FMN1: variants seen among roughly 807,000 people sequenced by gnomAD.
FMN1 encodes the protein formin-1.
Under a neutral mutation model 132.4 loss-of-function variants are expected in FMN1, and 110 were observed. The ratio of observed to expected loss-of-function variants is 0.83; its 90% CI spans 0.71 to 0.97. FMN1 has a LOEUF of 0.97. Ranked by LOEUF, FMN1 falls within the 50% of genes least tolerant of loss-of-function variation. The probability of loss-of-function intolerance (pLI) is 0.00; values close to 1 mark genes in which losing one functional copy is unlikely to be tolerated. For missense variants in FMN1, 1,792 were observed against 1,705.3 expected, an observed-to-expected ratio of 1.05 and a Z score of -0.90; for synonymous variants, 722 against 651.7, an observed-to-expected ratio of 1.11 and a Z score of -1.64.
At chr15:33,127,026 C>G (rs190021564) in intron 4 of FMN1, among the ~76,000 whole-genome samples, 111 of 152,238 alleles carry the variant, frequency 7.3e-4, no homozygotes, top group Non-Finnish European at 7.9e-4. Flanking sequence ...GAGAAAACTG[C>G]AAGATGCATG....
rs144303435 is a variant in FMN1 at position 32,825,841 on chromosome 15, C to CA, written c.3929-21510_3929-21509insT. Among the ~76,000 whole-genome samples, 829 of 152,278 alleles carry CA rather than the reference C, an allele frequency of 5.4e-3. 8 individuals are homozygous for CA. Among genetic ancestry groups the CA allele is most frequent in the Middle Eastern group, 0.02 (6 of 294 alleles). On this transcript the variant is annotated intron_variant, in intron 17 of 20. Transcript: ENST00000616417. ...GCCGGGAGACCGTCTCTTATCTTTG[C>CA]TCGGCACAATATCTGACACACTGTG...
At chr15:33,149,912 A>C (rs1251233083) in intron 4 of FMN1, 2 of 984,542 alleles carry the variant, frequency 2.0e-6, no homozygotes, top group African/African-American at 1.7e-5. Context: ...GGGTTTACAC[A>C]TGTAAATAAA....
At chr15:32,821,653 T>A (rs1040878039) in intron 17 of FMN1, among the ~76,000 whole-genome samples, 2 of 152,006 alleles carry the variant, frequency 1.3e-5, no homozygotes, top group African/African-American at 4.8e-5. Context: ...GGTTTCACCA[T>A]CTTGGCCAGG....
At chr15:33,038,514 A>G (rs912373134) in intron 6 of FMN1, among the ~76,000 whole-genome samples, 1 of 152,242 alleles carries the variant, frequency 6.6e-6, no homozygotes, top group Non-Finnish European at 1.5e-5. Flanking sequence ...CAAATAGTAA[A>G]TAAGTTGTTA....
intron 6 of FMN1, among the ~76,000 whole-genome samples, chr15:33,034,643 C>G (rs771860138): frequency 3.5e-5 from 5 of 143,782 alleles, no homozygotes; most frequent in Non-Finnish European, 7.6e-5. Context: ...TCAGGAAATC[C>G]TGATGGTTCT....
chr15:32,933,583 C>T (rs1423557584), intron 9 of FMN1, among the ~76,000 whole-genome samples: 2 of 147,146 alleles, frequency 1.4e-5, no homozygotes, highest in Admixed American at 6.6e-5. Flanking sequence ...TCTCCCATTG[C>T]TGTGTTGCTG....
intron 5 of FMN1, among the ~76,000 whole-genome samples, chr15:33,073,092 G>A (rs540485443): frequency 7.9e-5 from 12 of 152,160 alleles, no homozygotes; most frequent in African/African-American, 2.2e-4. Context: ...ATCGTTTTGC[G>A]AAAACTGGAC....
At chr15:32,880,814 C>A (rs72717702) in intron 16 of FMN1, among the ~76,000 whole-genome samples, 1 of 152,186 alleles carries the variant, frequency 6.6e-6, no homozygotes, top group Non-Finnish European at 1.5e-5. Context: ...TGTGTGTAAT[C>A]CATCCCCACA....
intron 9 of FMN1, among the ~76,000 whole-genome samples, chr15:32,942,789 G>A (rs940787940): frequency 6.6e-6 from 1 of 152,172 alleles, no homozygotes; most frequent in Non-Finnish European, 1.5e-5. Flanking sequence ...TAAGCAGAGA[G>A]TTTTTTCAAA....
At position 32,774,029 on chromosome 15, in the gene FMN1, A is replaced by G. The variant is rs2056333539; in HGVS notation, c.*281T>C. The G allele has an allele frequency of 2.3e-6, 1 of 430,834 alleles. No homozygotes were observed. Among genetic ancestry groups the G allele is most frequent in the African/African-American group, 2.1e-5 (1 of 47,682 alleles). The allele number at this position is 430,834 out of a possible 1,614,324, so 26.7% of individuals were successfully genotyped here. A position where few individuals can be genotyped will look rare whatever the true frequency, so the allele number is the denominator to read the frequency against. ...AAAAAAATTTTGGAAACATTTTGGTATTTCTTCTGCTCTTAGAGTGGACTT... is the reference window on the plus strand; with the variant it reads ...AAAAAAATTTTGGAAACATTTTGGTGTTTCTTCTGCTCTTAGAGTGGACTT... On this transcript the variant is annotated 3_prime_UTR_variant, in exon 21 of 21. Transcript: ENST00000616417.
intron 9 of FMN1, among the ~76,000 whole-genome samples, chr15:32,933,812 G>GT (rs1567420048): frequency 1.3e-5 from 2 of 151,848 alleles, no homozygotes. Context: ...TCAGTTGTTG[G>GT]TTTTTTTAAA....
chr15:33,155,802 C>A (rs1247400033), intron 3 of FMN1, among the ~76,000 whole-genome samples: 5 of 152,012 alleles, frequency 3.3e-5, no homozygotes, highest in African/African-American at 1.2e-4. Context: ...ATGATGTCAC[C>A]ACAGAAACGG....
In FMN1 at chr15:32,833,797, G is replaced by A. The variant is rs138327979; in HGVS notation, c.3928+23218C>T. ...TGAACTCTTAGCAAATGATCTAAGG[G>A]CTTAAACACATTAAAGGCCACAATT... On this transcript the variant is annotated intron_variant, in intron 17 of 20. Transcript: ENST00000616417. Among the ~76,000 whole-genome samples the A allele has an allele frequency of 2.9e-3, 438 of 152,240 alleles. 5 individuals are homozygous for A. Among genetic ancestry groups the A allele is most frequent in the African/African-American group, 9.8e-3 (408 of 41,530 alleles).
intron 7 of FMN1, among the ~76,000 whole-genome samples, chr15:32,975,706 C>G (rs1457964762): frequency 6.6e-6 from 1 of 151,940 alleles, no homozygotes; most frequent in African/African-American, 2.4e-5. Context: ...AAATACTTAA[C>G]GTAGATAAGA....
chr15:32,946,398 GTGTAACACA>G (rs2061512462), intron 9 of FMN1, among the ~76,000 whole-genome samples: 1 of 152,142 alleles, frequency 6.6e-6, no homozygotes, highest in African/African-American at 2.4e-5. Flanking sequence ...ATCAACAAGG[GTGTAACACA>G]CATGGTAGAT....
At chr15:32,882,036 C>T (rs529608765) in intron 16 of FMN1, among the ~76,000 whole-genome samples, 1 of 152,212 alleles carries the variant, frequency 6.6e-6, no homozygotes, top group African/African-American at 2.4e-5. Context: ...GTCAGAGAAA[C>T]TGAAAAATAT....
At chr15:32,846,750 G>A (rs895103042) in intron 17 of FMN1, among the ~76,000 whole-genome samples, 1 of 152,174 alleles carries the variant, frequency 6.6e-6, no homozygotes, top group Non-Finnish European at 1.5e-5. Flanking sequence ...CTATAGAGAT[G>A]CATGCACACG....
At chr15:32,863,188 A>G (rs867217920) in intron 16 of FMN1, among the ~76,000 whole-genome samples, 1 of 152,226 alleles carries the variant, frequency 6.6e-6, no homozygotes, top group Non-Finnish European at 1.5e-5. Flanking sequence ...TCACGCCTGT[A>G]ATCCCAGCAC....
In FMN1 at chr15:33,163,749, C is replaced by A. The variant is rs372102203; in HGVS notation, c.-131-8704G>T. Among the ~76,000 whole-genome samples, 11 of 152,194 alleles carry A rather than the reference C, an allele frequency of 7.2e-5. No individual in the cohort carries two copies. In the East Asian group the frequency reaches 1.2e-3, roughly 16 times the overall value. ...TCTCCTGCCTCAGCCTCCCAAGTAGCTGGGATTACAGGCAGCCGCCATCAT... is the reference window on the plus strand; with the variant it reads ...TCTCCTGCCTCAGCCTCCCAAGTAGATGGGATTACAGGCAGCCGCCATCAT... On this transcript the variant is annotated intron_variant, in intron 3 of 20. Transcript: ENST00000616417.
Sources: allele counts gnomAD v4.1 joint callset (sites outside exome capture counted in the v4.1 genomes callset), GRCh38; gene constraint gnomAD v4.1.1; transcripts MANE v1.5; gene names NCBI Gene and HGNC (gene_info 2026-07-23, HGNC 2026-07-21).